The following SNX24 variants were observed in gnomAD, a reference collection of about 807,000 sequenced individuals.
The protein encoded by SNX24 is sorting nexin-24.
A neutral mutation model predicts 28.7 loss-of-function variants in SNX24; 22 were observed. The ratio of observed to expected loss-of-function variants is 0.77; its 90% CI spans 0.55 to 1.10. The LOEUF is 1.10. SNX24 is among the 50% of genes least tolerant of loss of function. The pLI is 0.00. For synonymous variants in SNX24, 69 were observed against 71.5 expected (o/e 0.96, Z 0.18); for missense variants, 221 against 201.1 (o/e 1.10, Z -0.60).
intron 1 of SNX24, among the ~76,000 whole-genome samples, chr5:122,929,494 G>C (rs545105775): frequency 6.6e-6 from 1 of 151,974 alleles, no homozygotes. Flanking sequence ...GTACTGCTCA[G>C]TGTGAAATAT....
chr5:122,854,679 T>C (rs1270070926), intron 1 of SNX24, among the ~76,000 whole-genome samples: 1 of 152,198 alleles, frequency 6.6e-6, no homozygotes, highest in African/African-American at 2.4e-5. Context: ...CAACTTGCTT[T>C]TTTTACTTAA....
chr5:122,918,095 CAAAT>C (rs1429492101), intron 1 of SNX24, among the ~76,000 whole-genome samples: 33 of 152,116 alleles, frequency 2.2e-4, no homozygotes, highest in African/African-American at 7.5e-4. Flanking sequence ...TAATAATAAA[CAAAT>C]AAATAAATAA....
At chr5:122,900,330 G>A (rs566724313) in intron 1 of SNX24, among the ~76,000 whole-genome samples, 1 of 152,290 alleles carries the variant, frequency 6.6e-6, no homozygotes, top group East Asian at 1.9e-4. Flanking sequence ...TTGAGAGTGT[G>A]TGTAGCAGCA....
intron 3 of SNX24, among the ~76,000 whole-genome samples, chr5:122,989,156 A>T (rs149221512): frequency 6.6e-6 from 1 of 152,100 alleles, no homozygotes; most frequent in Non-Finnish European, 1.5e-5. Context: ...GTATGGGTTT[A>T]TGTGTTCTAC....
intron 1 of SNX24, among the ~76,000 whole-genome samples, chr5:122,917,242 TGA>T (rs946660710): frequency 7.1e-6 from 1 of 140,240 alleles, no homozygotes; most frequent in African/African-American, 2.7e-5. Flanking sequence ...GATGACAGAG[TGA>T]GACTTCATCT....
At chr5:122,967,871 C>T (rs1009909730) in intron 3 of SNX24, among the ~76,000 whole-genome samples, 4 of 152,226 alleles carry the variant, frequency 2.6e-5, no homozygotes, top group Non-Finnish European at 4.4e-5. Context: ...GTAGCACCTG[C>T]GCTGTCGCTT....
chr5:122,997,445 GT>G (rs1306705815), intron 3 of SNX24, among the ~76,000 whole-genome samples: 7 of 152,100 alleles, frequency 4.6e-5, no homozygotes, highest in Non-Finnish European at 8.8e-5. Context: ...GGAGAACTCT[GT>G]TTGGGGAAGC....
intron 3 of SNX24, among the ~76,000 whole-genome samples, chr5:122,951,092 C>G (rs1266688566): frequency 6.6e-6 from 1 of 151,608 alleles, no homozygotes; most frequent in East Asian, 1.9e-4. Context: ...ACGGTGAAAC[C>G]CCATCTCTAC....
At chr5:122,896,285 A>G (rs1367977784) in intron 1 of SNX24, among the ~76,000 whole-genome samples, 6 of 152,192 alleles carry the variant, frequency 3.9e-5, no homozygotes, top group Admixed American at 2.0e-4. Flanking sequence ...GATTGATCCC[A>G]TATATTTTCC....
rs1462847499 is a variant in SNX24, at chr5:123,021,858, A to T, written n.384-7380A>T. 2.0e-5 allele frequency among the ~76,000 whole-genome samples: 3 copies of T among 151,872 alleles called. No homozygotes were observed. In the East Asian group the frequency reaches 5.8e-4, roughly 29 times the overall value. On this transcript the variant is annotated intron_variant and non_coding_transcript_variant, in intron 5 of 5. Transcript: ENST00000502387. ...TCTGCCCTGGAATTCACTCATCTTT[A>T]TCTTGGGACCTTCATATTTTCTCTT...
intron 3 of SNX24, among the ~76,000 whole-genome samples, chr5:122,959,909 G>A (rs1430115444): frequency 6.6e-6 from 1 of 152,114 alleles, no homozygotes; most frequent in Admixed American, 6.5e-5. Flanking sequence ...GTTTACTAAA[G>A]AATAGCAGAA....
At chr5:122,864,690 T>C (rs1261861290) in intron 1 of SNX24, among the ~76,000 whole-genome samples, 1 of 152,200 alleles carries the variant, frequency 6.6e-6, no homozygotes, top group African/African-American at 2.4e-5. Flanking sequence ...TGAGCCAGTT[T>C]ATCGATGTGG....
At chr5:122,858,143 T>C (rs1018598464) in intron 1 of SNX24, among the ~76,000 whole-genome samples, 4 of 152,210 alleles carry the variant, frequency 2.6e-5, no homozygotes, top group African/African-American at 9.6e-5. Context: ...GCACCATTTA[T>C]TGAGTTTGCC....
At chr5:123,026,054 T>C in intron 5 of SNX24, 3 of 1,168,936 alleles carry the variant, frequency 2.6e-6, no homozygotes, top group Non-Finnish European at 3.6e-6. Flanking sequence ...GAGGAATCAA[T>C]TACTAGAACC....
In SNX24 at chr5:122,936,746, G is replaced by A; in HGVS notation, c.73G>A (p.Glu25Lys). 6.3e-7 allele frequency: 1 copy of A among 1,591,276 alleles called. No individual in the cohort carries two copies. Among genetic ancestry groups the A allele is most frequent in the Non-Finnish European group, 8.6e-7 (1 of 1,161,710 alleles). Residue 25 changes from glutamate to lysine, a missense_variant, in exon 2 of 7, where the codon GAA (glutamate) becomes AAA (lysine). Physicochemically the swap from Glu to Lys is moderately conservative, Grantham distance 56. Coordinates refer to ENST00000261369, the MANE Select transcript of SNX24 (RefSeq NM_014035.4). ...LERGYTVFKI[E>K]VLMNGRKHFV... ...ATTTTTTCCTCAGGTGTTTAAGATA[G>A]AAGTGCTAATGAATGGAAGAAAACA...
intron 1 of SNX24, among the ~76,000 whole-genome samples, chr5:122,909,660 T>C (rs1486021932): frequency 6.6e-6 from 1 of 152,164 alleles, no homozygotes; most frequent in Non-Finnish European, 1.5e-5. Flanking sequence ...CCTATTAAGA[T>C]GACTTCTTGG....
At chr5:122,987,902 G>T (rs1190951483) in intron 3 of SNX24, among the ~76,000 whole-genome samples, 2 of 152,162 alleles carry the variant, frequency 1.3e-5, no homozygotes, top group African/African-American at 4.8e-5. Context: ...GCATTAAGGG[G>T]CTAGGAAGTT....
intron 1 of SNX24, among the ~76,000 whole-genome samples, chr5:122,905,406 A>T (rs552922417): frequency 3.9e-5 from 6 of 152,284 alleles, no homozygotes; most frequent in Admixed American, 6.5e-5. Context: ...TGCCTCAGCC[A>T]CTCACTCAGG....
intron 1 of SNX24, among the ~76,000 whole-genome samples, chr5:122,878,420 A>G (rs1321058198): frequency 3.3e-5 from 5 of 152,176 alleles, no homozygotes; most frequent in East Asian, 1.9e-4. Flanking sequence ...TGCTTTGACT[A>G]TGAAAAGAGG....
Sources: gnomAD v4.1 joint callset for allele counts (sites outside exome capture counted in the v4.1 genomes callset) on GRCh38, gnomAD v4.1.1 for gene constraint, MANE v1.5 for transcripts, NCBI Gene and HGNC (gene_info 2026-07-23, HGNC 2026-07-21) for gene names.